Variants in BTD observed in about 807,000 individuals in gnomAD.
BTD encodes the protein biocytinase.
Under a neutral mutation model 17.7 loss-of-function variants are expected in BTD, and 13 were observed. The observed-to-expected ratio is 0.74, with a 90% confidence interval of 0.48 to 1.17. The LOEUF (loss-of-function observed/expected upper bound fraction) is 1.17, where lower values mean the gene tolerates loss of function less well. Ranked by LOEUF, BTD falls within the 50% of genes most tolerant of loss-of-function variation. The pLI is 0.00. For synonymous variants in BTD, 240 were observed against 245.2 expected (o/e 0.98, Z 0.20); for missense variants, 674 against 650.4 (o/e 1.04, Z -0.39).
At chr3:15,704,996 C>T (rs1234860273) in intron 3 of BTD, among the ~76,000 whole-genome samples, 1 of 152,088 alleles carries the variant, frequency 6.6e-6, no homozygotes, top group Non-Finnish European at 1.5e-5. Context: ...TTTCATTTTC[C>T]TTTTACAAAT....
chr3:15,701,554 G>A (rs1314661012), intron 3 of BTD, among the ~76,000 whole-genome samples: 2 of 152,108 alleles, frequency 1.3e-5, no homozygotes, highest in Non-Finnish European at 2.9e-5. Flanking sequence ...TGAGGCAGGA[G>A]AATCACTTGA....
At chr3:15,634,374 G>A (rs2065290585) in intron 1 of BTD, among the ~76,000 whole-genome samples, 1 of 152,234 alleles carries the variant, frequency 6.6e-6, no homozygotes, top group Admixed American at 6.5e-5. Flanking sequence ...TCCATGGGCA[G>A]GTGGCCTGGC....
At chr3:15,655,252 G>A (rs2065860255), downstream of BTD, among the ~76,000 whole-genome samples, 1 of 152,166 alleles carries the variant, frequency 6.6e-6, no homozygotes, top group Admixed American at 6.5e-5. Context: ...AGGGGTTGAA[G>A]CATGCTGGGA....
chr3:15,622,969 C>T (rs1417230155), intron 1 of BTD, among the ~76,000 whole-genome samples: 2 of 152,214 alleles, frequency 1.3e-5, no homozygotes, highest in Non-Finnish European at 2.9e-5. Context: ...AATGGACTCA[C>T]AGTTCCACAT....
At chr3:15,679,510 C>T in intron 3 of BTD, 1 of 1,613,844 alleles carries the variant, frequency 6.2e-7, no homozygotes, top group Non-Finnish European at 8.5e-7. Flanking sequence ...GCATTTCCTT[C>T]CGTTTTCTGG....
intron 3 of BTD, chr3:15,676,988 G>A (rs563607317): frequency 1.6e-5 from 26 of 1,612,626 alleles, no homozygotes; most frequent in Middle Eastern, 1.7e-4. Flanking sequence ...GCAAGGCTGC[G>A]TTGGTTGCAT....
At position 15,635,798 on chromosome 3, in the gene BTD, A is replaced by G; in HGVS notation, c.249+110A>G. Reference sequence around the variant, plus strand: ...GCTTCCTACCACCCTCTGAAAAAGCATCCAGGTAGTTAACCTGAGTTGAGT... The same window carrying G: ...GCTTCCTACCACCCTCTGAAAAAGCGTCCAGGTAGTTAACCTGAGTTGAGT... On this transcript the variant is annotated intron_variant, in intron 2 of 3. Coordinates refer to ENST00000643237, the MANE Select transcript of BTD (RefSeq NM_001370658.1). This position sits in a 1 kb window ranked among gnomAD's most constrained non-coding sequence, Gnocchi z 4.1. The G allele has an allele frequency of 2.7e-6, 4 of 1,508,228 alleles. No individual in the cohort carries two copies. Among genetic ancestry groups the G allele is most frequent in the Non-Finnish European group, 2.7e-6 (3 of 1,093,408 alleles). The allele number at this position is 1,508,228 out of a possible 1,614,324, so 93.4% of individuals were successfully genotyped here.
At chr3:15,687,740 C>G (rs2068304413) in intron 3 of BTD, among the ~76,000 whole-genome samples, 1 of 152,190 alleles carries the variant, frequency 6.6e-6, no homozygotes, top group Admixed American at 6.5e-5. Context: ...CTGCCAGCAG[C>G]TCTCACAGCT....
chr3:15,644,742 G>A lies in BTD; in HGVS notation c.826G>A (p.Val276Ile), dbSNP rs185225945. The change falls in exon 4 of 4, where the codon GTT becomes ATT. Residue 276 changes from valine to isoleucine, a missense_variant. Physicochemically the swap from Val to Ile is conservative, Grantham distance 29. Coordinates refer to ENST00000643237, the MANE Select transcript of BTD (RefSeq NM_001370658.1). ...TTTTGCTGTTGCCTTTGGCATCAAC[G>A]TTCTGGCAGCTAATGTCCACCACCC... ...KAFAVAFGIN[V>I]LAANVHHPVL... is the part of the protein sequence containing the mutation. 3.1e-5 allele frequency: 50 copies of A among 1,614,180 alleles called. No individual in the cohort carries two copies. In the Admixed American group the frequency reaches 6.7e-4, roughly 22 times the overall value.
intron 3 of BTD, among the ~76,000 whole-genome samples, chr3:15,704,302 C>T (rs1183831086): frequency 1.3e-5 from 2 of 151,730 alleles, no homozygotes; most frequent in South Asian, 2.1e-4. Context: ...GAATGAGTCA[C>T]GGAAGATTTC....
Position 15,642,328 on chromosome 3 carries a change from A to G in BTD, c.399+271A>G, listed in dbSNP as rs1216759610. The G allele has an allele frequency of 1.8e-5, 24 of 1,315,162 alleles. 1 individual carries two copies. The highest frequency in any genetic ancestry group is 2.7e-4 in the Middle Eastern group (1 of 3,670). The allele number at this position is 1,315,162 out of a possible 1,614,324, so 81.5% of individuals were successfully genotyped here. A position where few individuals can be genotyped will look rare whatever the true frequency, so the allele number is the denominator to read the frequency against. ...CTTAAACCAAACCAAAAGTAAAAAA[A>G]GAAAAGTTCATCTTCACCACAGCCT... On this transcript the variant is annotated intron_variant, in intron 3 of 3. Transcript: ENST00000643237.
At chr3:15,711,122 C>T in exon 4 of BTD, 2 of 1,145,684 alleles carry the variant, frequency 1.7e-6, no homozygotes, top group East Asian at 2.6e-5. Context: ...TTCTGGCAGC[C>T]CAGAATTAAT....
At chr3:15,639,039 A>G (rs1423499350) in intron 2 of BTD, among the ~76,000 whole-genome samples, 1 of 152,202 alleles carries the variant, frequency 6.6e-6, no homozygotes, top group Non-Finnish European at 1.5e-5. Context: ...TCTAGTTTCA[A>G]GATGATTAGG....
At chr3:15,607,363 C>T (rs187550653) in intron 1 of BTD, among the ~76,000 whole-genome samples, 1 of 152,312 alleles carries the variant, frequency 6.6e-6, no homozygotes, top group African/African-American at 2.4e-5. Context: ...TTTGTAGGTT[C>T]TGGATTTGAG....
chr3:15,654,105 C>A (rs558761975), downstream of BTD, among the ~76,000 whole-genome samples: 4 of 152,206 alleles, frequency 2.6e-5, no homozygotes, highest in South Asian at 2.1e-4. Context: ...ACCCCCAAAA[C>A]AAATTGCTAA....
Position 15,690,587 on chromosome 3 carries a change from C to T in BTD, c.400-19473C>T, listed in dbSNP as rs745531609. ...GTGTTTTTTTTGTTTTGTTTTGAGA[C>T]AGGGTCTTGCTCTGTTGCCCCAGCT... On this transcript the variant is annotated intron_variant, in intron 3 of 3. Transcript: ENST00000672141. 3.5e-4 allele frequency among the ~76,000 whole-genome samples: 54 copies of T among 152,248 alleles called. 1 individual carries two copies. Among genetic ancestry groups the T allele is most frequent in the Non-Finnish European group, 7.2e-4 (49 of 68,024 alleles).
chr3:15,679,172 G>T, intron 3 of BTD: 2 of 784,236 alleles, frequency 2.6e-6, no homozygotes, highest in Non-Finnish European at 2.1e-6. Flanking sequence ...GTCTTGCTAT[G>T]TTGACCAGGC....
In BTD at chr3:15,635,034, G is replaced by C. The variant is rs2065306066; in HGVS notation, c.-16-390G>C. ...ACCTGTAGTATGGATAGAGGGCAGAGGGTAGAGTGTGAAATATATCACAGA... is the reference window on the plus strand; with the variant it reads ...ACCTGTAGTATGGATAGAGGGCAGACGGTAGAGTGTGAAATATATCACAGA... On this transcript the variant is annotated intron_variant, in intron 1 of 3. Coordinates refer to ENST00000643237, the MANE Select transcript of BTD (RefSeq NM_001370658.1). This position sits in a 1 kb window ranked among gnomAD's most constrained non-coding sequence, Gnocchi z 4.1. 6.6e-6 allele frequency among the ~76,000 whole-genome samples: 1 copy of C among 151,464 alleles called. No homozygotes were observed. Among genetic ancestry groups the C allele is most frequent in the East Asian group, 1.9e-4 (1 of 5,164 alleles).
In BTD at chr3:15,646,780, G is replaced by A. The variant is rs975818174; in HGVS notation, c.*1292G>A. ...AACAGTATATGCTTAAACATCACAC[G>A]ATTTTATAAAGCAAGAAAAATGAAA... On this transcript the variant is annotated 3_prime_UTR_variant, in exon 4 of 4. Coordinates refer to ENST00000643237, the MANE Select transcript of BTD (RefSeq NM_001370658.1). 3 of 152,122 alleles carry A rather than the reference G, an allele frequency of 2.0e-5. No individual in the cohort carries two copies. The highest frequency in any genetic ancestry group is 2.9e-5 in the Non-Finnish European group (2 of 68,014). The allele number at this position is 152,122 out of a possible 1,614,324, so 9.4% of individuals were successfully genotyped here.
Sources: gnomAD v4.1 joint callset for allele counts (sites outside exome capture counted in the v4.1 genomes callset) on GRCh38, gnomAD v4.1.1 for gene constraint, Gnocchi (gnomAD v3.1) non-coding constraint, MANE v1.5 for transcripts, NCBI Gene and HGNC (gene_info 2026-07-23, HGNC 2026-07-21) for gene names.